The following UNC13D variants were observed in gnomAD, a reference collection of about 807,000 sequenced individuals.
The protein encoded by UNC13D is protein unc-13 homolog D.
In UNC13D, 115 loss-of-function variants were observed where a neutral mutation model predicts 151.7. The observed-to-expected ratio is 0.76, with a 90% CI of 0.65 to 0.88. The LOEUF is 0.88. Ranked by LOEUF, UNC13D falls within the 40% of genes least tolerant of loss-of-function variation. The pLI, the probability that UNC13D is intolerant of heterozygous loss-of-function variation, is 0.00. For synonymous variants in UNC13D, 588 were observed against 612.2 expected (o/e 0.96, Z 0.58); for missense variants, 1,369 against 1,438.7 (o/e 0.95, Z 0.78).
rs753849363 is a variant in UNC13D at position 75,835,839 on chromosome 17, CGGG to C, written c.1596+13_1596+15del. ...TCTGTTGGAGGGCATGCCCTAGAGA[CGGG>C]GGAGGGACTCACCAGCCACTGCAGC... On this transcript the variant is annotated intron_variant, in intron 18 of 31. Transcript: ENST00000207549. 6.2e-7 allele frequency: 1 copy of C among 1,613,904 alleles called. No individual in the cohort carries two copies. The highest frequency in any genetic ancestry group is 2.2e-5 in the East Asian group (1 of 44,896).
chr17:75,831,632 AG>A (rs2064873412), intron 25 of UNC13D: 1 of 497,490 alleles, frequency 2.0e-6, no homozygotes, highest in African/African-American at 1.9e-5. Flanking sequence ...GGCTGGAGAC[AG>A]GGAGGAGGCC....
Position 75,827,350 on chromosome 17 carries a change from G to T in UNC13D, c.*615C>A, listed in dbSNP as rs1031116929. The T allele has an allele frequency of 1.7e-6, 2 of 1,143,560 alleles. No individual in the cohort carries two copies. Among genetic ancestry groups the T allele is most frequent in the Non-Finnish European group, 2.3e-6 (2 of 860,972 alleles). The allele number at this position is 1,143,560 out of a possible 1,614,324, so 70.8% of individuals were successfully genotyped here. A position where few individuals can be genotyped will look rare whatever the true frequency, so the allele number is the denominator to read the frequency against. ...CAGCCAAACTGTCCTTTCTGCTTCCGTCTGTCTGTGCCAGCCCTGCCGCCT... is the reference window on the plus strand; with the variant it reads ...CAGCCAAACTGTCCTTTCTGCTTCCTTCTGTCTGTGCCAGCCCTGCCGCCT... On this transcript the variant is annotated 3_prime_UTR_variant, in exon 32 of 32. Transcript: ENST00000207549.
At position 75,832,381 on chromosome 17, in the gene UNC13D, C is replaced by G. The variant is rs1330669282; in HGVS notation, c.2447+585G>C. The G allele has an allele frequency of 1.3e-5, 2 of 154,058 alleles. No homozygotes were observed. Among genetic ancestry groups the G allele is most frequent in the African/African-American group, 4.8e-5 (2 of 41,476 alleles). 9.5% of individuals were successfully genotyped at this position (154,058 alleles called of 1,614,324 possible). ...CAACAGAAGCCAGAACTACTCTCAT[C>G]TGCACCGGGAACTTGCCCAAGGCTG... On this transcript the variant is annotated intron_variant, in intron 25 of 31. Coordinates refer to ENST00000207549, the MANE Select transcript of UNC13D (RefSeq NM_199242.3). The surrounding 1 kb of genome is among the most constrained non-coding windows in gnomAD (Gnocchi z 4.3).
At chr17:75,839,758 C>T in intron 12 of UNC13D, 81 bp downstream of exon 12, 2 of 1,448,458 alleles carry the variant, frequency 1.4e-6, no homozygotes, top group Non-Finnish European at 1.9e-6. Context: ...GAGAATTACA[C>T]TTTGGGCTAC....
chr17:75,837,102 G>A (rs780786740), intron 12 of UNC13D, among the ~76,000 whole-genome samples, 184 bp from the exon 13 acceptor site: 47 of 150,776 alleles, frequency 3.1e-4, no homozygotes, highest in Non-Finnish European at 5.5e-4. Flanking sequence ...GTCTCACTCC[G>A]TCACCCAGGC....
At position 75,827,692 on chromosome 17, in the gene UNC13D, C is replaced by G. The variant is rs1195872575; in HGVS notation, c.*273G>C. ...CACAGCAGCTTTTCTGAGAGGCGGGCAGGGGCAGGGTTTGCTCCCCCTGGT... is the reference window on the plus strand; with the variant it reads ...CACAGCAGCTTTTCTGAGAGGCGGGGAGGGGCAGGGTTTGCTCCCCCTGGT... On this transcript the variant is annotated 3_prime_UTR_variant, in exon 32 of 32. Coordinates refer to ENST00000207549, the MANE Select transcript of UNC13D (RefSeq NM_199242.3). The G allele has an allele frequency of 1.7e-5, 26 of 1,526,526 alleles. No homozygotes were observed. The highest frequency in any genetic ancestry group is 2.3e-5 in the Non-Finnish European group (26 of 1,140,584). The allele number at this position is 1,526,526 out of a possible 1,614,324, so 94.6% of individuals were successfully genotyped here.
chr17:75,841,868 C>A (rs1215738532), intron 6 of UNC13D, among the ~76,000 whole-genome samples: 1 of 151,816 alleles, frequency 6.6e-6, no homozygotes, highest in African/African-American at 2.4e-5. Context: ...CCTGCCTCAG[C>A]CTTCCGAGTA....
At position 75,839,867 on chromosome 17, in the gene UNC13D, C is replaced by A. The variant is rs150442758; in HGVS notation, c.1027G>T (p.Asp343Tyr). ...TVLFLHATQK[D>Y]LSDFHQSMAQ... Reference sequence around the variant, plus strand: ...ATGGACTGGTGGAAGTCGGATAGGTCCTTCTGTGTGGCGTGCAGAAAGAGG... The same window carrying A: ...ATGGACTGGTGGAAGTCGGATAGGTACTTCTGTGTGGCGTGCAGAAAGAGG... The change falls in exon 12 of 32, where the codon GAC becomes TAC. Residue 343 changes from aspartate to tyrosine, a missense_variant. Coordinates refer to ENST00000207549, the MANE Select transcript of UNC13D (RefSeq NM_199242.3). The A allele has an allele frequency of 7.4e-6, 12 of 1,613,792 alleles. No individual in the cohort carries two copies. Among genetic ancestry groups the A allele is most frequent in the Non-Finnish European group, 1.0e-5 (12 of 1,180,026 alleles).
At position 75,843,140 on chromosome 17, in the gene UNC13D, G is replaced by A. The variant is rs765812272; in HGVS notation, c.261+19C>T. ...CAGGGCAGCTGCAGGAAGGGGGGTG[G>A]GGTGGGAGCCGGGCTCACCTCCTGC... is the stretch of plus-strand genomic sequence containing the variant. On this transcript the variant is annotated intron_variant, in intron 3 of 31. Transcript: ENST00000207549. 52 of 1,610,912 alleles carry A rather than the reference G, an allele frequency of 3.2e-5. 1 individual carries two copies. The South Asian group carries it at 5.3e-4, about 16-fold the overall frequency.
Position 75,844,324 on chromosome 17 carries a change from A to G in UNC13D, c.14T>C (p.Leu5Pro), listed in dbSNP as rs1322153234. MATL[L>P]SHPQQRPPFL... ...GGGAGGGCGCTGCTGCGGATGGGAG[A>G]GGAGTGTCGCCATGGTGGCCTTCTC... The change falls in exon 1 of 32, where the codon CTC becomes CCC. Residue 5 changes from leucine to proline, a missense_variant. Around this residue, in one of 3 missense-constraint regions of UNC13D, gnomAD observed 550 missense variants for 609.0 expected, o/e 0.90. Transcript: ENST00000207549. 1 of 1,611,150 alleles carries G rather than the reference A, an allele frequency of 6.2e-7. No individual in the cohort carries two copies. Among genetic ancestry groups the G allele is most frequent in the East Asian group, 2.2e-5 (1 of 44,826 alleles).
At chr17:75,838,221 C>CTT (rs953705567) in intron 12 of UNC13D, among the ~76,000 whole-genome samples, 14 of 143,272 alleles carry the variant, frequency 9.8e-5, no homozygotes, top group Middle Eastern at 3.7e-3. Flanking sequence ...TGTCCCATCT[C>CTT]TTTTTTTTTT....
chr17:75,827,473 G>C lies in UNC13D; in HGVS notation c.*492C>G, dbSNP rs1189361651. 1 of 1,475,396 alleles carries C rather than the reference G, an allele frequency of 6.8e-7. No individual in the cohort carries two copies. The highest frequency in any genetic ancestry group is 1.4e-5 in the African/African-American group (1 of 71,088). The allele number at this position is 1,475,396 out of a possible 1,614,324, so 91.4% of individuals were successfully genotyped here. On this transcript the variant is annotated 3_prime_UTR_variant, in exon 32 of 32. Coordinates refer to ENST00000207549, the MANE Select transcript of UNC13D (RefSeq NM_199242.3). The stretch of plus-strand genomic sequence containing the variant: ...GGGGAGAGGACCCAGGCCCCCTCTA[G>C]TAATGGCCACCACCCTCCCCCCAGG...
intron 12 of UNC13D, 47 bp from the exon 13 acceptor site, chr17:75,836,965 C>T: frequency 6.6e-7 from 1 of 1,505,226 alleles, no homozygotes; most frequent in Non-Finnish European, 9.0e-7. Context: ...GAGGAAATTG[C>T]CTTCCCCTGT....
At chr17:75,839,745 G>A (rs1228420654) in intron 12 of UNC13D, 94 bp downstream of exon 12, 24 of 1,340,486 alleles carry the variant, frequency 1.8e-5, no homozygotes, top group African/African-American at 2.9e-5. Flanking sequence ...AGGGAACTCT[G>A]CTGAGAATTA....
At position 75,840,452 on chromosome 17, in the gene UNC13D, C is replaced by T; in HGVS notation, c.753+55G>A. The T allele has an allele frequency of 6.2e-7, 1 of 1,612,520 alleles. No homozygotes were observed. Among genetic ancestry groups the T allele is most frequent in the Non-Finnish European group, 8.5e-7 (1 of 1,178,646 alleles). On this transcript the variant is annotated intron_variant, in intron 9 of 31. Transcript: ENST00000207549. The surrounding 1 kb of genome is among the most constrained non-coding windows in gnomAD (Gnocchi z 4.6). ...GACACAGAGCCTCTCCCCAGAACCC[C>T]TCCCAACCCCCTCCCTCTGCCTCGC...
chr17:75,837,979 G>A (rs1189903894), intron 12 of UNC13D, among the ~76,000 whole-genome samples: 1 of 152,120 alleles, frequency 6.6e-6, no homozygotes, highest in Non-Finnish European at 1.5e-5. Flanking sequence ...GGGCCCTGCA[G>A]GCAAACCAGG....
rs568041891 is a variant in UNC13D at position 75,841,165 on chromosome 17, T to C, written c.570-164A>G. ...TTTTTTTTTTTTTTTTTTTTTGAGA[T>C]GGAGTCTAGTTCTGTCCCCCAGGCT... On this transcript the variant is annotated intron_variant, in intron 6 of 31. Transcript: ENST00000207549. The C allele has an allele frequency of 1.5e-3, 924 of 628,516 alleles. 3 individuals carry two copies. Among genetic ancestry groups the C allele is most frequent in the Non-Finnish European group, 1.7e-3 (665 of 388,014 alleles). 38.9% of individuals were successfully genotyped at this position (628,516 alleles called of 1,614,324 possible).
chr17:75,837,054 G>A, intron 12 of UNC13D, 136 bp from the exon 13 acceptor site: 1 of 620,310 alleles, frequency 1.6e-6, no homozygotes, highest in Non-Finnish European at 2.7e-6. Flanking sequence ...AGGACATGCA[G>A]GATTGTTTTT....
Position 75,840,683 on chromosome 17 carries a change from C to G in UNC13D, c.683+79G>C. On this transcript the variant is annotated intron_variant, in intron 8 of 31. Coordinates refer to ENST00000207549, the MANE Select transcript of UNC13D (RefSeq NM_199242.3). The surrounding 1 kb of genome is among the most constrained non-coding windows in gnomAD (Gnocchi z 4.6). The stretch of plus-strand genomic sequence containing the variant: ...CCTGGACCCCAAAGGAGCCTGCACC[C>G]CAGCATCCAGTGTGCATGTTGGGGG... 1 of 1,611,654 alleles carries G rather than the reference C, an allele frequency of 6.2e-7. No homozygotes were observed. Among genetic ancestry groups the G allele is most frequent in the South Asian group, 1.1e-5 (1 of 91,004 alleles).
Sources: allele counts gnomAD v4.1 joint callset (sites outside exome capture counted in the v4.1 genomes callset), GRCh38; gene constraint gnomAD v4.1.1; regional missense constraint gnomAD v4.1.1; non-coding constraint Gnocchi (gnomAD v3.1); transcripts MANE v1.5; gene names NCBI Gene and HGNC (gene_info 2026-07-23, HGNC 2026-07-21).